Variants in SNX7 observed in about 807,000 individuals in gnomAD.
SNX7 encodes sorting nexin-7.
In SNX7, 35 loss-of-function variants were observed where a neutral mutation model predicts 48.4. The ratio of observed to expected loss-of-function variants is 0.72; its 90% CI spans 0.55 to 0.96. The LOEUF (loss-of-function observed/expected upper bound fraction) is 0.96, where lower values mean the gene tolerates loss of function less well. Among genes scored for constraint, SNX7 ranks in the 40% least tolerant of loss-of-function variants. The probability of loss-of-function intolerance (pLI) is 0.00; values close to 1 mark genes in which losing one functional copy is unlikely to be tolerated. For missense variants in SNX7, 553 were observed against 548.9 expected, an observed-to-expected ratio of 1.01 and a Z score of -0.07; for synonymous variants, 190 against 190.2, an observed-to-expected ratio of 1.00 and a Z score of 0.01.
At chr1:98,681,760 G>A (rs1557793365) in intron 1 of SNX7, among the ~76,000 whole-genome samples, 1 of 152,134 alleles carries the variant, frequency 6.6e-6, no homozygotes, top group Non-Finnish European at 1.5e-5. Context: ...ATATTTTTGG[G>A]ACAGAGAAAT....
At chr1:98,727,140 G>A (rs557960733) in intron 7 of SNX7, among the ~76,000 whole-genome samples, 33 of 152,324 alleles carry the variant, frequency 2.2e-4, no homozygotes, top group Admixed American at 5.9e-4. Context: ...AACCCGGGAC[G>A]TGGAGTGTGC....
At chr1:98,746,798 A>G (rs894747975) in intron 8 of SNX7, among the ~76,000 whole-genome samples, 1 of 152,094 alleles carries the variant, frequency 6.6e-6, no homozygotes, top group Non-Finnish European at 1.5e-5. Flanking sequence ...AAGAAGGTAA[A>G]TATTATCTTC....
At chr1:98,666,248 G>T (rs578071832) in intron 1 of SNX7, among the ~76,000 whole-genome samples, 1 of 152,300 alleles carries the variant, frequency 6.6e-6, no homozygotes, top group South Asian at 2.1e-4. Flanking sequence ...GAATACTGAG[G>T]CATTTAGAGA....
chr1:98,665,113 C>G (rs1649469632), intron 1 of SNX7, among the ~76,000 whole-genome samples: 1 of 152,042 alleles, frequency 6.6e-6, no homozygotes, highest in African/African-American at 2.4e-5. Flanking sequence ...GTGATTAGGC[C>G]ACAATGAAGC....
chr1:98,756,469 G>T (rs935300072), intron 8 of SNX7, among the ~76,000 whole-genome samples: 28 of 108,528 alleles, frequency 2.6e-4, no homozygotes, highest in African/African-American at 8.9e-4. Context: ...AGTGTGTTCT[G>T]CTGGTGATAA....
chr1:98,689,573 T>A lies in SNX7; in HGVS notation c.364-1502T>A, dbSNP rs75447347. Among the ~76,000 whole-genome samples, 149 of 152,328 alleles carry A rather than the reference T, an allele frequency of 9.8e-4. 1 individual carries two copies. Among genetic ancestry groups the A allele is most frequent in the Middle Eastern group, 6.8e-3 (2 of 294 alleles). ...AAAATGTTGGATATTCTTAGGGACG[T>A]ATACAGCTCAATCTTATTTTAACTG... On this transcript the variant is annotated intron_variant, in intron 2 of 8. Coordinates refer to ENST00000306121, the MANE Select transcript of SNX7 (RefSeq NM_015976.5).
intron 7 of SNX7, among the ~76,000 whole-genome samples, chr1:98,711,261 G>A (rs184520728): frequency 3.2e-4 from 48 of 152,146 alleles, no homozygotes; most frequent in Middle Eastern, 6.8e-3. Flanking sequence ...CAAGTGATCC[G>A]CCTGCCTTGA....
At chr1:98,672,646 C>T (rs867229734) in intron 1 of SNX7, among the ~76,000 whole-genome samples, 76 of 151,730 alleles carry the variant, frequency 5.0e-4, no homozygotes, top group African/African-American at 1.7e-3. Flanking sequence ...TTCAAGTGGC[C>T]GGGCGCGGTG....
intron 8 of SNX7, among the ~76,000 whole-genome samples, chr1:98,748,637 AACACACACACACACACAC>A (rs58973289): frequency 6.9e-6 from 1 of 145,792 alleles, no homozygotes; most frequent in African/African-American, 2.6e-5. Flanking sequence ...AAATGATTTA[AACACACACACACACACAC>A]ACACACACAC....
chr1:98,728,347 A>G (rs1653304069), intron 7 of SNX7, among the ~76,000 whole-genome samples: 1 of 152,206 alleles, frequency 6.6e-6, no homozygotes, highest in Non-Finnish European at 1.5e-5. Context: ...GAGGGAATTC[A>G]TCACCACCAG....
At chr1:98,668,619 G>T (rs1282554875) in intron 1 of SNX7, among the ~76,000 whole-genome samples, 1 of 152,182 alleles carries the variant, frequency 6.6e-6, no homozygotes, top group Non-Finnish European at 1.5e-5. Flanking sequence ...TTTCACTGAT[G>T]ATATGTTCTG....
intron 7 of SNX7, among the ~76,000 whole-genome samples, chr1:98,733,894 T>C (rs769978804): frequency 2.0e-5 from 3 of 152,156 alleles, no homozygotes; most frequent in Non-Finnish European, 2.9e-5. Flanking sequence ...CACATATCTC[T>C]GACTCAGTCT....
chr1:98,722,405 T>C (rs1429403237), intron 7 of SNX7, among the ~76,000 whole-genome samples: 1 of 152,168 alleles, frequency 6.6e-6, no homozygotes, highest in Non-Finnish European at 1.5e-5. Context: ...TACAGTTTTA[T>C]TGTTAAGAGC....
chr1:98,691,933 ACACACTCTCT>A lies in SNX7; in HGVS notation c.639+236_639+245del, dbSNP rs1485594417. Among the ~76,000 whole-genome samples the A allele has an allele frequency of 4.6e-5, 5 of 108,590 alleles. No homozygotes were observed. The South Asian group carries it at 1.3e-3, about 29-fold the overall frequency. The allele number at this position is 108,590 out of a possible 152,430, so 71.2% of individuals were successfully genotyped here. ...TATATATACACACACACACACACACACACACTCTCTCTCTCTCTCTCTCTCTCTCTCTCTA... is the reference window on the plus strand; with the variant it reads ...TATATATACACACACACACACACACACTCTCTCTCTCTCTCTCTCTCTCTA... On this transcript the variant is annotated intron_variant, in intron 4 of 8. Transcript: ENST00000306121.
At chr1:98,746,536 G>A (rs1330867509) in intron 8 of SNX7, among the ~76,000 whole-genome samples, 2 of 152,046 alleles carry the variant, frequency 1.3e-5, no homozygotes, top group African/African-American at 2.4e-5. Flanking sequence ...TGGAGTAATT[G>A]TCTGAAATGT....
chr1:98,720,427 A>T lies in SNX7; in HGVS notation c.1126-17810A>T, dbSNP rs147544008. Among the ~76,000 whole-genome samples the T allele has an allele frequency of 2.1e-4, 32 of 152,220 alleles. No homozygotes were observed. In the East Asian group the frequency reaches 5.8e-3, roughly 28 times the overall value. On this transcript the variant is annotated intron_variant, in intron 7 of 8. Coordinates refer to ENST00000306121, the MANE Select transcript of SNX7 (RefSeq NM_015976.5). Reference sequence around the variant, plus strand: ...CATTTTTCAAAATGAAGTGATTGAGAAAATATTCAGTAATATTAGAGTATT... The same window carrying T: ...CATTTTTCAAAATGAAGTGATTGAGTAAATATTCAGTAATATTAGAGTATT...
rs1406140174 is a variant in SNX7, at chr1:98,760,281, G to A, written c.*150G>A. On this transcript the variant is annotated 3_prime_UTR_variant, in exon 9 of 9. Transcript: ENST00000306121. ...CAACTTGAAATCTCAGGTATTCCAG[G>A]TCACTGACATGAATTTGAAGATATA... 1 of 615,452 alleles carries A rather than the reference G, an allele frequency of 1.6e-6. No individual in the cohort carries two copies. The highest frequency in any genetic ancestry group is 1.8e-5 in the African/African-American group (1 of 54,066). The allele number at this position is 615,452 out of a possible 1,614,324, so 38.1% of individuals were successfully genotyped here.
intron 7 of SNX7, among the ~76,000 whole-genome samples, chr1:98,712,982 C>G (rs1652393988): frequency 6.6e-6 from 1 of 151,236 alleles, no homozygotes; most frequent in Non-Finnish European, 1.5e-5. Flanking sequence ...TGCCAGCTAC[C>G]CGGGAGGCTA....
intron 1 of SNX7, among the ~76,000 whole-genome samples, chr1:98,667,038 G>A (rs1242879384): frequency 6.6e-6 from 1 of 152,188 alleles, no homozygotes; most frequent in Non-Finnish European, 1.5e-5. Context: ...TTTCAGTTGA[G>A]CCCTCATGTA....
Sources: allele counts gnomAD v4.1 joint callset (sites outside exome capture counted in the v4.1 genomes callset), GRCh38; gene constraint gnomAD v4.1.1; transcripts MANE v1.5; gene names NCBI Gene and HGNC (gene_info 2026-07-23, HGNC 2026-07-21).